Variants in LRRIQ4 observed in about 807,000 individuals in gnomAD.
LRRIQ4 encodes the protein leucine-rich repeat and IQ domain-containing protein 4.
Under a neutral mutation model 40.1 loss-of-function variants are expected in LRRIQ4, and 21 were observed. The observed-to-expected ratio is 0.52, with a 90% CI of 0.37 to 0.75. The LOEUF is 0.75. LRRIQ4 is among the 30% of genes least tolerant of loss of function. The pLI is 0.00. For synonymous variants in LRRIQ4, 277 were observed against 277.1 expected (o/e 1.00, Z 0.00); for missense variants, 655 against 660.0 (o/e 0.99, Z 0.08).
chr3:169,837,319 G>A (rs1393083303), intron 5 of LRRIQ4, among the ~76,000 whole-genome samples, 160 bp from the exon 6 acceptor site: 1 of 152,200 alleles, frequency 6.6e-6, no homozygotes, highest in Non-Finnish European at 1.5e-5. Flanking sequence ...TTGTCTGAAT[G>A]CCTAGCCAAT....
intron 2 of LRRIQ4, among the ~76,000 whole-genome samples, chr3:169,828,202 A>G (rs1780083677): frequency 6.6e-6 from 1 of 152,212 alleles, no homozygotes; most frequent in South Asian, 2.1e-4. Context: ...ACTACAGTCC[A>G]TAAATGGCAA....
chr3:169,816,852 G>T (rs1779780731), intron 1 of LRRIQ4, among the ~76,000 whole-genome samples: 1 of 151,770 alleles, frequency 6.6e-6, no homozygotes, highest in Admixed American at 6.6e-5. Flanking sequence ...TATATTTTTA[G>T]TAGAGACAGG....
chr3:169,831,304 C>T (rs529796376), intron 4 of LRRIQ4, among the ~76,000 whole-genome samples: 54 of 113,778 alleles, frequency 4.7e-4, no homozygotes, highest in Non-Finnish European at 7.7e-4. Flanking sequence ...GACAGAGTCT[C>T]GCTCTGTCGC....
chr3:169,830,490 A>G lies in LRRIQ4; in HGVS notation c.1195-2A>G. 1 of 1,579,728 alleles carries G rather than the reference A, an allele frequency of 6.3e-7. No homozygotes were observed. The highest frequency in any genetic ancestry group is 8.6e-7 in the Non-Finnish European group (1 of 1,159,830). On this transcript the variant is annotated splice_acceptor_variant, in intron 3 of 5. Coordinates refer to ENST00000340806, the MANE Select transcript of LRRIQ4 (RefSeq NM_001080460.3). LOFTEE classifies it high-confidence loss of function. ...TATTATGGTACACTCATGTTATTTC[A>G]GAGTCTCAAAGAGCTATATATAGAG...
chr3:169,826,207 C>A (rs575930202), intron 2 of LRRIQ4, among the ~76,000 whole-genome samples: 107 of 152,132 alleles, frequency 7.0e-4, no homozygotes, highest in African/African-American at 2.1e-3. Flanking sequence ...GCCTGGCCAA[C>A]GTGGCGAAAC....
chr3:169,831,422 C>A (rs1188962611), intron 4 of LRRIQ4, among the ~76,000 whole-genome samples: 2 of 132,718 alleles, frequency 1.5e-5, no homozygotes, highest in African/African-American at 2.8e-5. Flanking sequence ...TACAGGCGCC[C>A]GCCACCACGC....
chr3:169,819,629 C>T (rs966847167), intron 1 of LRRIQ4, among the ~76,000 whole-genome samples: 8 of 152,190 alleles, frequency 5.3e-5, no homozygotes, highest in African/African-American at 1.7e-4. Context: ...CTCTTACTCC[C>T]ACTTCCTACC....
intron 1 of LRRIQ4, among the ~76,000 whole-genome samples, chr3:169,815,554 T>C (rs1276989212): frequency 6.6e-6 from 1 of 152,174 alleles, no homozygotes; most frequent in Admixed American, 6.5e-5. Flanking sequence ...TCTTAAGGAT[T>C]TTCCAAATAT....
chr3:169,822,124 A>C lies in LRRIQ4; in HGVS notation c.203A>C (p.Gln68Pro). ...ATTGAAGAAATTCCCCAGGAGATTC[A>C]GCGTTTAAAGAACATCAGGGTCCTC... ...NQIEEIPQEIQRLKNIRVLYL... is the reference protein window; with the variant it reads ...NQIEEIPQEIPRLKNIRVLYL... The change falls in exon 2 of 6, where the codon CAG (glutamine) becomes CCG (proline). Residue 68 changes from glutamine to proline, a missense_variant. By Grantham distance (76) the Gln-to-Pro change is moderately conservative. Transcript: ENST00000340806. 6.2e-7 allele frequency: 1 copy of C among 1,612,510 alleles called. No individual in the cohort carries two copies. The highest frequency in any genetic ancestry group is 8.5e-7 in the Non-Finnish European group (1 of 1,179,574).
intron 5 of LRRIQ4, among the ~76,000 whole-genome samples, chr3:169,835,271 A>G (rs1333699629): frequency 1.3e-5 from 2 of 152,158 alleles, no homozygotes; most frequent in African/African-American, 4.8e-5. Context: ...TGAAGGTAGA[A>G]TTAGAAACCA....
Position 169,833,070 on chromosome 3 carries a change from A to T in LRRIQ4, c.1417A>T (p.Thr473Ser), listed in dbSNP as rs1261062545. 2 of 1,613,986 alleles carry T rather than the reference A, an allele frequency of 1.2e-6. No homozygotes were observed. Among genetic ancestry groups the T allele is most frequent in the Admixed American group, 3.3e-5 (2 of 60,030 alleles). Residue 473 changes from threonine to serine, a missense_variant, in exon 5 of 6, where the codon ACA becomes TCA. Physicochemically the swap from Thr to Ser is moderately conservative, Grantham distance 58 (BLOSUM62 1). Coordinates refer to ENST00000340806, the MANE Select transcript of LRRIQ4 (RefSeq NM_001080460.3). ...LDSLVNLKVL[T>S]LMDNPMEEPP... Reference sequence around the variant, plus strand: ...TTCCCTAGTGAATCTTAAGGTTCTGACACTGATGGACAATCCCATGGAAGA... The same window carrying T: ...TTCCCTAGTGAATCTTAAGGTTCTGTCACTGATGGACAATCCCATGGAAGA...
Position 169,822,687 on chromosome 3 carries a change from C to G in LRRIQ4, c.766C>G (p.Leu256Val). Residue 256 changes from leucine (L) to valine (V), a missense_variant, in exon 2 of 6, where the codon CTC becomes GTC. Physicochemically the swap from Leu to Val is conservative, Grantham distance 32 (BLOSUM62 1). Transcript: ENST00000340806. Reference protein sequence around the residue: ...LHSIPKSFAELRKMTEIGLSG... With the variant: ...LHSIPKSFAEVRKMTEIGLSG... Reference sequence around the variant, plus strand: ...CTCCATCCCGAAGAGCTTCGCCGAGCTCAGGAAGATGACGGAAATCGGGCT... The same window carrying G: ...CTCCATCCCGAAGAGCTTCGCCGAGGTCAGGAAGATGACGGAAATCGGGCT... 1 of 1,613,976 alleles carries G rather than the reference C, an allele frequency of 6.2e-7. No homozygotes were observed. The highest frequency in any genetic ancestry group is 2.2e-5 in the East Asian group (1 of 44,884).
intron 1 of LRRIQ4, among the ~76,000 whole-genome samples, chr3:169,819,974 T>C (rs1436604793): frequency 1.3e-5 from 2 of 152,194 alleles, no homozygotes; most frequent in Non-Finnish European, 1.5e-5. Flanking sequence ...GTTAAATCTT[T>C]CCTTTTCTTT....
In LRRIQ4 at chr3:169,831,261, C is replaced by CTTTT. The variant is rs869088396; in HGVS notation, c.1333+658_1333+661dup. ...CACATGTTTTCAAACTATGGCTATT[C>CTTTT]TTTTTTTTTTTTTTTTTTTTTTTTT... On this transcript the variant is annotated intron_variant, in intron 4 of 5. Coordinates refer to ENST00000340806, the MANE Select transcript of LRRIQ4 (RefSeq NM_001080460.3). Among the ~76,000 whole-genome samples, 66 of 33,464 alleles carry CTTTT rather than the reference C, an allele frequency of 2.0e-3. 13 individuals are homozygous for CTTTT. The highest frequency in any genetic ancestry group is 2.8e-3 in the African/African-American group (27 of 9,760). 22.0% of individuals were successfully genotyped at this position (33,464 alleles called of 152,430 possible). A position where few individuals can be genotyped will look rare whatever the true frequency, so the allele number is the denominator to read the frequency against.
At chr3:169,827,523 C>A (rs1469770965) in intron 2 of LRRIQ4, among the ~76,000 whole-genome samples, 1 of 141,682 alleles carries the variant, frequency 7.1e-6, no homozygotes, top group African/African-American at 2.7e-5. Flanking sequence ...AGGAGAATGG[C>A]GTGAACCCGG....
intron 4 of LRRIQ4, among the ~76,000 whole-genome samples, chr3:169,831,380 T>C (rs953273444): frequency 7.0e-6 from 1 of 142,432 alleles, no homozygotes; most frequent in Admixed American, 7.1e-5. Context: ...TTCACGCTAT[T>C]CTTCTGCCTC....
intron 1 of LRRIQ4, among the ~76,000 whole-genome samples, chr3:169,814,878 G>T (rs1454735021): frequency 6.6e-6 from 1 of 152,116 alleles, no homozygotes; most frequent in Non-Finnish European, 1.5e-5. Context: ...TCCCAGAACC[G>T]TTATTGAAGA....
At position 169,828,873 on chromosome 3, in the gene LRRIQ4, AT is replaced by A; in HGVS notation, c.1137del (p.Ile379MetfsTer27). On this transcript the variant is annotated frameshift_variant, in exon 3 of 6. Transcript: ENST00000340806. LOFTEE classifies it high-confidence loss of function. ...LSLASLEKLY[I>X]GQDQGFKLTY... ...TTTAGCGTCTTTAGAGAAATTATAC[AT>A]TGGGCAAGACCAGGGATTCAAACTT... 1 of 1,613,844 alleles carries A rather than the reference AT, an allele frequency of 6.2e-7. No homozygotes were observed. Among genetic ancestry groups the A allele is most frequent in the African/African-American group, 1.3e-5 (1 of 75,042 alleles).
At chr3:169,815,448 G>T (rs894162396) in intron 1 of LRRIQ4, among the ~76,000 whole-genome samples, 1 of 151,804 alleles carries the variant, frequency 6.6e-6, no homozygotes, top group African/African-American at 2.4e-5. Flanking sequence ...GTTTGCTGTT[G>T]GTATATAAAA....
Sources: allele counts gnomAD v4.1 joint callset (sites outside exome capture counted in the v4.1 genomes callset), GRCh38; gene constraint gnomAD v4.1.1; transcripts MANE v1.5; gene names NCBI Gene and HGNC (gene_info 2026-07-23, HGNC 2026-07-21).